CYP4F12: variants seen among roughly 807,000 people sequenced by gnomAD.
The protein encoded by CYP4F12 is cytochrome P450 family 4 subfamily F member 12.
Under a neutral mutation model 56.5 loss-of-function variants are expected in CYP4F12, and 60 were observed. The observed-to-expected ratio is 1.06, with a 90% CI of 0.86 to 1.32. The LOEUF (loss-of-function observed/expected upper bound fraction) is 1.32. Ranked by LOEUF, CYP4F12 falls within the 40% of genes most tolerant of loss-of-function variation. The probability of loss-of-function intolerance (pLI) is 0.00; values close to 1 mark genes in which losing one functional copy is unlikely to be tolerated. For missense variants in CYP4F12, 711 were observed against 683.5 expected, an observed-to-expected ratio of 1.04 and a Z score of -0.45; for synonymous variants, 263 against 264.9, an observed-to-expected ratio of 0.99 and a Z score of 0.07.
At chr19:15,689,671 A>T (rs956589596) in intron 9 of CYP4F12, among the ~76,000 whole-genome samples, 5 of 152,372 alleles carry the variant, frequency 3.3e-5, no homozygotes, top group Admixed American at 1.3e-4. Context: ...TAGTAGCACA[A>T]TTCACAATTG....
Position 15,680,404 on chromosome 19 carries a change from T to C in CYP4F12, c.410T>C (p.Leu137Pro), listed in dbSNP as rs1333755980. Residue 137 changes from leucine (L) to proline (P), a missense_variant, in exon 5 of 13, where the codon CTG becomes CCG. By Grantham distance (98) the Leu-to-Pro change is moderately conservative (BLOSUM62 -3). Transcript: ENST00000550308. ...FLKPWLGEGI[L>P]LSGGDKWSRH... is the part of the protein sequence containing the mutation. Reference sequence around the variant, plus strand: ...GCTGCCCTACTAGGAGAAGGGATACTGCTGAGTGGCGGTGACAAGTGGAGC... The same window carrying C: ...GCTGCCCTACTAGGAGAAGGGATACCGCTGAGTGGCGGTGACAAGTGGAGC... 9 of 1,614,102 alleles carry C rather than the reference T, an allele frequency of 5.6e-6. No homozygotes were observed. The highest frequency in any genetic ancestry group is 1.6e-4 in the Middle Eastern group (1 of 6,084).
At chr19:15,695,887 T>G in intron 9 of CYP4F12, 49 bp from the exon 10 acceptor site, 1 of 1,574,778 alleles carries the variant, frequency 6.4e-7, no homozygotes, top group Non-Finnish European at 8.6e-7. Flanking sequence ...AGGTGGAGAG[T>G]TGTGTATTTG....
intron 3 of CYP4F12, 31 bp downstream of exon 3, chr19:15,678,436 C>G (rs754642661): frequency 6.2e-7 from 1 of 1,613,372 alleles, no homozygotes; most frequent in Non-Finnish European, 8.5e-7. Context: ...GTGGTGGGTG[C>G]CAGACCAAGC....
chr19:15,685,615 C>T (rs2007564826), intron 9 of CYP4F12, among the ~76,000 whole-genome samples: 1 of 152,144 alleles, frequency 6.6e-6, no homozygotes, highest in South Asian at 2.1e-4. Context: ...AGCACAGAGG[C>T]AGAACTTGGT....
At chr19:15,687,503 G>T (rs1003430458) in intron 9 of CYP4F12, among the ~76,000 whole-genome samples, 1 of 152,218 alleles carries the variant, frequency 6.6e-6, no homozygotes, top group African/African-American at 2.4e-5. Context: ...GGACAGAATA[G>T]TGTGTAGAGA....
intron 3 of CYP4F12, 71 bp from the exon 4 acceptor site, chr19:15,680,173 C>G (rs999814491): frequency 6.6e-6 from 10 of 1,525,998 alleles, no homozygotes; most frequent in African/African-American, 2.8e-5. Context: ...TGCTGGTAGG[C>G]AGCCTTGCCC....
intron 5 of CYP4F12, 48 bp downstream of exon 5, chr19:15,680,567 G>A (rs2007239989): frequency 6.2e-7 from 1 of 1,613,474 alleles, no homozygotes; most frequent in South Asian, 1.1e-5. Flanking sequence ...GGGGTGGAGG[G>A]ACCATGGACA....
chr19:15,693,054 A>T (rs1440007695), intron 9 of CYP4F12, among the ~76,000 whole-genome samples: 5 of 152,256 alleles, frequency 3.3e-5, no homozygotes, highest in Admixed American at 6.5e-5. Context: ...CTCCAGCCTG[A>T]GCAACAGAGA....
Position 15,673,579 on chromosome 19 carries a change from C to T in CYP4F12, c.50C>T (p.Ser17Phe), listed in dbSNP as rs1336054434. The change falls in exon 2 of 13, where the codon TCC (serine) becomes TTC (phenylalanine). Residue 17 changes from serine (S) to phenylalanine (F), a missense_variant. Coordinates refer to ENST00000550308, the MANE Select transcript of CYP4F12 (RefSeq NM_023944.4). Reference protein sequence around the residue: ...PWLGLRPVATSPWLLLLLVVG... With the variant: ...PWLGLRPVATFPWLLLLLVVG... The stretch of plus-strand genomic sequence containing the variant: ...CTGGGCCTCAGACCGGTGGCAACGT[C>T]CCCATGGCTACTCCTGCTGCTGGTT... 1 of 1,614,090 alleles carries T rather than the reference C, an allele frequency of 6.2e-7. No homozygotes were observed. The highest frequency in any genetic ancestry group is 8.5e-7 in the Non-Finnish European group (1 of 1,179,990).
chr19:15,682,070 C>T (rs771696126), intron 5 of CYP4F12: 1 of 253,648 alleles, frequency 3.9e-6, no homozygotes, highest in Non-Finnish European at 7.8e-6. Context: ...TTATCTGGCC[C>T]CAAAGCAGAT....
At chr19:15,684,701 C>T in intron 7 of CYP4F12, 115 bp from the exon 8 acceptor site, 1 of 1,056,912 alleles carries the variant, frequency 9.5e-7, no homozygotes, top group Non-Finnish European at 1.4e-6. Context: ...TCTGGAAGAT[C>T]AGAGCTTCAG....
chr19:15,675,409 A>C (rs1453728452), intron 2 of CYP4F12, among the ~76,000 whole-genome samples: 1 of 152,154 alleles, frequency 6.6e-6, no homozygotes, highest in Non-Finnish European at 1.5e-5. Flanking sequence ...GAGGCTGCTG[A>C]GAATGGAGGG....
At chr19:15,696,297 T>A in intron 11 of CYP4F12, 72 bp downstream of exon 11, 1 of 1,611,742 alleles carries the variant, frequency 6.2e-7, no homozygotes, top group Non-Finnish European at 8.5e-7. Context: ...AATTCCAAGG[T>A]TCCTAGTGGA....
At chr19:15,684,973 C>T in intron 8 of CYP4F12, 91 bp downstream of exon 8, 3 of 1,567,318 alleles carry the variant, frequency 1.9e-6, no homozygotes, top group South Asian at 2.4e-5. Flanking sequence ...CCATTCTGCC[C>T]ATCTTCCCCC....
rs143849737 is a variant in CYP4F12, at chr19:15,686,955, C to T, written c.1115+1758C>T. The stretch of plus-strand genomic sequence containing the variant: ...TTAAAAACCAAGATATCAAGTAATA[C>T]TGTGCACTTTGTAAACAAAAAAAAG... On this transcript the variant is annotated intron_variant, in intron 9 of 12. Transcript: ENST00000550308. Among the ~76,000 whole-genome samples, 1,319 of 147,894 alleles carry T rather than the reference C, an allele frequency of 8.9e-3. 15 individuals carry two copies. The highest frequency in any genetic ancestry group is 0.032 in the African/African-American group (1,255 of 39,330).
At chr19:15,673,431 C>A in intron 1 of CYP4F12, 98 bp from the exon 2 acceptor site, 2 of 1,377,042 alleles carry the variant, frequency 1.5e-6, no homozygotes, top group Non-Finnish European at 1.0e-6. Flanking sequence ...GCCCTCCCTG[C>A]CCTGCCCCCA....
At chr19:15,685,508 T>A (rs193088851) in intron 9 of CYP4F12, among the ~76,000 whole-genome samples, 1 of 152,348 alleles carries the variant, frequency 6.6e-6, no homozygotes, top group East Asian at 1.9e-4. Flanking sequence ...ATATCAGTTT[T>A]TTCGAAAATC....
rs746778055 is a variant in CYP4F12, at chr19:15,678,380, C to T, written c.318C>T (p.Thr106=). The change falls in exon 3 of 13, where the codon ACC becomes ACT. Residue 106 remains threonine (T), a synonymous_variant. Transcript: ENST00000550308. ...TCATCGTTTTATGCCACCCTGACACCATCCGGTCTATCACCAATGCCTCAG... is the reference window on the plus strand; with the variant it reads ...TCATCGTTTTATGCCACCCTGACACTATCCGGTCTATCACCAATGCCTCAG... ...IPFIVLCHPD[T]IRSITNASAA... The T allele has an allele frequency of 1.1e-5, 18 of 1,614,078 alleles. No individual in the cohort carries two copies. Among genetic ancestry groups the T allele is most frequent in the Non-Finnish European group, 1.4e-5 (17 of 1,180,038 alleles).
chr19:15,678,832 T>C (rs1217064346), intron 3 of CYP4F12, among the ~76,000 whole-genome samples: 1 of 152,162 alleles, frequency 6.6e-6, no homozygotes, highest in Admixed American at 6.5e-5. Context: ...GCATCATTGG[T>C]ATTTGGGGTC....
Sources: gnomAD v4.1 joint callset for allele counts (sites outside exome capture counted in the v4.1 genomes callset) on GRCh38, gnomAD v4.1.1 for gene constraint, MANE v1.5 for transcripts, NCBI Gene and HGNC (gene_info 2026-07-23, HGNC 2026-07-21) for gene names.